Variants in ACTR10 observed in about 807,000 individuals in gnomAD.
The protein encoded by ACTR10 is actin-related protein 10.
Under a neutral mutation model 56.2 loss-of-function variants are expected in ACTR10, and 43 were observed. The ratio of observed to expected loss-of-function variants is 0.77; its 90% CI spans 0.60 to 0.99. ACTR10 has a LOEUF of 0.99. Among genes scored for constraint, ACTR10 ranks in the 50% least tolerant of loss-of-function variants. The probability of loss-of-function intolerance (pLI) is 0.00; values close to 1 mark genes in which losing one functional copy is unlikely to be tolerated. For synonymous variants in ACTR10, 170 were observed against 176.3 expected, an observed-to-expected ratio of 0.96 and a Z score of 0.28; for missense variants, 466 against 507.8, an observed-to-expected ratio of 0.92 and a Z score of 0.79.
chr14:58,202,338 T>C (rs1012905657), intron 1 of ACTR10, among the ~76,000 whole-genome samples: 1 of 151,878 alleles, frequency 6.6e-6, no homozygotes, highest in African/African-American at 2.4e-5. Flanking sequence ...TACCAGCACT[T>C]TGGGAGGCCG....
intron 7 of ACTR10, among the ~76,000 whole-genome samples, chr14:58,218,529 TACTA>T (rs1889189228): frequency 6.6e-6 from 1 of 152,094 alleles, no homozygotes; most frequent in Admixed American, 6.6e-5. Context: ...AACTTATACT[TACTA>T]AAGATAAAAA....
intron 12 of ACTR10, 143 bp downstream of exon 12, chr14:58,232,410 T>TC (rs1889563953): frequency 2.2e-6 from 1 of 451,222 alleles, no homozygotes; most frequent in Non-Finnish European, 3.5e-6. Flanking sequence ...TTTTCTTTTT[T>TC]TTTTTTTTTT....
At chr14:58,220,592 G>A (rs546604295) in intron 8 of ACTR10, among the ~76,000 whole-genome samples, 14 of 151,936 alleles carry the variant, frequency 9.2e-5, no homozygotes, top group Non-Finnish European at 2.1e-4. Flanking sequence ...TCTATCCTCC[G>A]TGATATAACA....
chr14:58,213,533 C>T, intron 5 of ACTR10, 98 bp from the exon 6 acceptor site: 1 of 643,802 alleles, frequency 1.6e-6, no homozygotes, highest in Non-Finnish European at 2.4e-6. Flanking sequence ...AAATTTGTCA[C>T]TAAAGCATAT....
At chr14:58,229,661 G>A (rs1039124415) in intron 10 of ACTR10, among the ~76,000 whole-genome samples, 59 of 142,900 alleles carry the variant, frequency 4.1e-4, no homozygotes, top group African/African-American at 1.5e-3. Context: ...CGGGGCAACA[G>A]AGCAAGACTC....
chr14:58,229,904 TTTTAA>T (rs1195127462), intron 10 of ACTR10, among the ~76,000 whole-genome samples: 7 of 152,124 alleles, frequency 4.6e-5, no homozygotes, highest in Non-Finnish European at 8.8e-5. Flanking sequence ...AATAGAGTAA[TTTTAA>T]TTTGAGATTA....
rs950018807 is a variant in ACTR10 at position 58,224,328 on chromosome 14, T to TA, written c.788+482dup. Among the ~76,000 whole-genome samples the TA allele has an allele frequency of 1.9e-3, 290 of 150,010 alleles. 3 individuals are homozygous for TA. The highest frequency in any genetic ancestry group is 6.5e-3 in the African/African-American group (264 of 40,906). ...ATTCAGCTTTTTAAATTTTTAAAAATAAAAAAAAAATTATCTCCTATTTAT... is the reference window on the plus strand; with the variant it reads ...ATTCAGCTTTTTAAATTTTTAAAAATAAAAAAAAAAATTATCTCCTATTTAT... On this transcript the variant is annotated intron_variant, in intron 10 of 12. Coordinates refer to ENST00000254286, the MANE Select transcript of ACTR10 (RefSeq NM_018477.3).
At chr14:58,227,003 AG>A (rs1253333885) in intron 10 of ACTR10, among the ~76,000 whole-genome samples, 1 of 152,236 alleles carries the variant, frequency 6.6e-6, no homozygotes, top group Admixed American at 6.5e-5. Flanking sequence ...GGTTATTTAA[AG>A]GAAAGGACCA....
chr14:58,219,115 T>G lies in ACTR10; in HGVS notation c.599-579T>G, dbSNP rs115264639. ...GATTACAGGCGTGAGCCACTGCGCCTGGCCCCAAAGTTAAAAATTCTTAGT... is the reference window on the plus strand; with the variant it reads ...GATTACAGGCGTGAGCCACTGCGCCGGGCCCCAAAGTTAAAAATTCTTAGT... On this transcript the variant is annotated intron_variant, in intron 7 of 12. Coordinates refer to ENST00000254286, the MANE Select transcript of ACTR10 (RefSeq NM_018477.3). 5.2e-3 allele frequency among the ~76,000 whole-genome samples: 799 copies of G among 152,250 alleles called. 6 individuals carry two copies. Among genetic ancestry groups the G allele is most frequent in the African/African-American group, 0.018 (743 of 41,568 alleles).
chr14:58,228,602 G>GAA (rs75001836), intron 10 of ACTR10, among the ~76,000 whole-genome samples: 2 of 125,024 alleles, frequency 1.6e-5, no homozygotes, highest in Admixed American at 8.8e-5. Flanking sequence ...TCTCAAAAGG[G>GAA]AAAAAAAAAA....
At chr14:58,203,270 C>A (rs1273420381) in intron 2 of ACTR10, among the ~76,000 whole-genome samples, 1 of 146,514 alleles carries the variant, frequency 6.8e-6, no homozygotes, top group Non-Finnish European at 1.5e-5. Context: ...CCATCGCACT[C>A]CAGCCTGGGG....
intron 1 of ACTR10, among the ~76,000 whole-genome samples, chr14:58,202,583 C>CAA (rs1390925699): frequency 7.2e-6 from 1 of 138,574 alleles, no homozygotes. Flanking sequence ...GACTCCATCT[C>CAA]AAAAAAAAAA....
intron 2 of ACTR10, among the ~76,000 whole-genome samples, chr14:58,205,463 C>G (rs928026324): frequency 6.6e-6 from 1 of 151,276 alleles, no homozygotes; most frequent in African/African-American, 2.4e-5. Context: ...TACAGTTGCC[C>G]GCCGCCACGC....
intron 2 of ACTR10, among the ~76,000 whole-genome samples, chr14:58,205,899 G>A (rs1888847623): frequency 6.6e-6 from 1 of 151,868 alleles, no homozygotes; most frequent in Admixed American, 6.6e-5. Context: ...GCAGGCACCT[G>A]TGGTCCCAGC....
chr14:58,211,216 A>G, intron 4 of ACTR10, 76 bp from the exon 5 acceptor site: 2 of 1,080,624 alleles, frequency 1.9e-6, no homozygotes, highest in Admixed American at 2.0e-5. Context: ...TTTCAAATAT[A>G]TTTGGATATA....
chr14:58,214,937 C>A (rs1343038648), intron 6 of ACTR10, among the ~76,000 whole-genome samples: 6 of 151,616 alleles, frequency 4.0e-5, no homozygotes, highest in African/African-American at 1.2e-4. Flanking sequence ...AAAACCCTAT[C>A]TCTACTAAAA....
At chr14:58,202,241 C>G (rs2140039662) in intron 1 of ACTR10, among the ~76,000 whole-genome samples, 1 of 152,090 alleles carries the variant, frequency 6.6e-6, no homozygotes, top group Non-Finnish European at 1.5e-5. Flanking sequence ...AGTACAGATT[C>G]AGAGTTGTAG....
chr14:58,228,681 CTTTTTTTTTTTTTTT>C (rs35498207), intron 10 of ACTR10, among the ~76,000 whole-genome samples: 22 of 40,788 alleles, frequency 5.4e-4, no homozygotes, highest in Admixed American at 1.9e-3. Context: ...GCAAGACAGA[CTTTTTTTTTTTTTTT>C]TTTTTTTTTT....
intron 8 of ACTR10, among the ~76,000 whole-genome samples, chr14:58,223,260 C>T (rs549772004): frequency 2.6e-5 from 4 of 152,224 alleles, no homozygotes; most frequent in Admixed American, 6.5e-5. Flanking sequence ...CCTCCTCCTC[C>T]GGAGCAGCTG....
Sources: gnomAD v4.1 joint callset for allele counts (sites outside exome capture counted in the v4.1 genomes callset) on GRCh38, gnomAD v4.1.1 for gene constraint, MANE v1.5 for transcripts, NCBI Gene and HGNC (gene_info 2026-07-23, HGNC 2026-07-21) for gene names.